Variants in SNX6 observed in about 807,000 individuals in gnomAD.
SNX6 encodes sorting nexin 6, also known as sorting nexin-6.
SNX6 carries 34 observed loss-of-function variants against 63.0 expected under a neutral mutation model. The ratio of observed to expected loss-of-function variants is 0.54; its 90% CI spans 0.41 to 0.72. The LOEUF (loss-of-function observed/expected upper bound fraction) is 0.72, where lower values mean the gene tolerates loss of function less well. Among genes scored for constraint, SNX6 ranks in the 30% least tolerant of loss-of-function variants. SNX6 has a pLI of 0.00. For synonymous variants in SNX6, 170 were observed against 164.2 expected (o/e 1.04, Z -0.27); for missense variants, 398 against 471.4 (o/e 0.84, Z 1.44).
At chr14:34,593,238 C>T (rs1319374470) in intron 7 of SNX6, 88 bp from the exon 8 acceptor site, 1 of 803,696 alleles carries the variant, frequency 1.2e-6, no homozygotes, top group African/African-American at 1.7e-5. Flanking sequence ...TATAAAAGAT[C>T]ATCAGTAAAA....
At chr14:34,570,773 G>C (rs144924774) in intron 11 of SNX6, among the ~76,000 whole-genome samples, 3,432 of 146,950 alleles carry the variant, frequency 0.023, 55 homozygotes, top group Middle Eastern at 0.06. Context: ...GCCCAGGCTG[G>C]AGTGCAGTGG....
At chr14:34,577,867 A>C (rs915390825) in intron 10 of SNX6, among the ~76,000 whole-genome samples, 1 of 152,190 alleles carries the variant, frequency 6.6e-6, no homozygotes, top group Non-Finnish European at 1.5e-5. Flanking sequence ...ACACAGAATG[A>C]AGACAGACTT....
chr14:34,581,549 T>C lies in SNX6; in HGVS notation c.834+12A>G, dbSNP rs1264777094. 1 of 1,405,048 alleles carries C rather than the reference T, an allele frequency of 7.1e-7. No homozygotes were observed. Among genetic ancestry groups the C allele is most frequent in the South Asian group, 1.2e-5 (1 of 83,190 alleles). The allele number at this position is 1,405,048 out of a possible 1,614,324, so 87.0% of individuals were successfully genotyped here. A position where few individuals can be genotyped will look rare whatever the true frequency, so the allele number is the denominator to read the frequency against. ...AATATTATGCAGTATATCTCTATAA[T>C]TTAGTACTTACTCTTGTTTTATCGA... On this transcript the variant is annotated intron_variant, in intron 10 of 13. Transcript: ENST00000362031.
At chr14:34,604,916 A>T (rs1195261672) in intron 5 of SNX6, among the ~76,000 whole-genome samples, 2 of 152,124 alleles carry the variant, frequency 1.3e-5, no homozygotes, top group Admixed American at 1.3e-4. Context: ...AGTGATACTC[A>T]ACCTGTACAT....
intron 8 of SNX6, among the ~76,000 whole-genome samples, chr14:34,588,229 G>A (rs1351262163): frequency 1.3e-5 from 2 of 151,976 alleles, no homozygotes; most frequent in East Asian, 1.9e-4. Context: ...GGATGGTATC[G>A]ATCTCTTGAC....
chr14:34,603,551 C>T, intron 5 of SNX6, 80 bp from the exon 6 acceptor site: 1 of 1,226,112 alleles, frequency 8.2e-7, no homozygotes, highest in Middle Eastern at 2.0e-4. Context: ...TCAGAAAATA[C>T]TCTTTGGATT....
rs550666263 is a variant in SNX6, at chr14:34,603,872, C to G, written c.393-401G>C. On this transcript the variant is annotated intron_variant, in intron 5 of 13. Coordinates refer to ENST00000362031, the MANE Select transcript of SNX6 (RefSeq NM_152233.4). The stretch of plus-strand genomic sequence containing the variant: ...AACTTAGTACAAAAAAAATTAAAAC[C>G]CAAACCTCGGTGAGCATATTTTCAA... Among the ~76,000 whole-genome samples the G allele has an allele frequency of 3.3e-5, 5 of 151,948 alleles. No individual in the cohort carries two copies. The East Asian group carries it at 9.6e-4, about 29-fold the overall frequency.
In SNX6 at chr14:34,602,387, G is replaced by A. The variant is rs1393949456; in HGVS notation, c.516+961C>T. Among the ~76,000 whole-genome samples the A allele has an allele frequency of 3.3e-5, 5 of 150,650 alleles. No individual in the cohort carries two copies. In the East Asian group the frequency reaches 7.8e-4, roughly 24 times the overall value. The stretch of plus-strand genomic sequence containing the variant: ...GTTGTGGGTGAGCTGAGATCGCACC[G>A]TTGCACTCCAGCTTGGGAAACAAGA... On this transcript the variant is annotated intron_variant, in intron 6 of 13. Transcript: ENST00000362031.
chr14:34,586,409 A>C (rs1882159884), intron 8 of SNX6, 104 bp from the exon 9 acceptor site: 1 of 634,214 alleles, frequency 1.6e-6, no homozygotes, highest in African/African-American at 1.9e-5. Flanking sequence ...CACTCTAGTA[A>C]AGAAAATAAC....
Position 34,562,325 on chromosome 14 carries a change from T to C in SNX6, c.*797A>G, listed in dbSNP as rs1880964511. 1 of 152,278 alleles carries C rather than the reference T, an allele frequency of 6.6e-6. No homozygotes were observed. Among genetic ancestry groups the C allele is most frequent in the Non-Finnish European group, 1.5e-5 (1 of 68,044 alleles). 9.4% of individuals were successfully genotyped at this position (152,278 alleles called of 1,614,324 possible). A position where few individuals can be genotyped will look rare whatever the true frequency, so the allele number is the denominator to read the frequency against. On this transcript the variant is annotated 3_prime_UTR_variant, in exon 14 of 14. Coordinates refer to ENST00000362031, the MANE Select transcript of SNX6 (RefSeq NM_152233.4). ...CACACAGAGGAGCAGTTCATTCTTT[T>C]GTAAAGGGATTGGTGGACTTTGTTC...
chr14:34,594,212 C>G (rs1181036073), intron 7 of SNX6, among the ~76,000 whole-genome samples: 1 of 152,092 alleles, frequency 6.6e-6, no homozygotes, highest in African/African-American at 2.4e-5. Flanking sequence ...TTCCTGAAGG[C>G]TGCCTAGCCT....
In SNX6 at chr14:34,568,579, C is replaced by A. The variant is rs985330514; in HGVS notation, c.922-566G>T. On this transcript the variant is annotated intron_variant, in intron 11 of 13. Transcript: ENST00000362031. ...TCAAACTCCTGGCCTCAAAGTGATC[C>A]CCCTATTTCAGCCTGCTAAAGTGGA... 3.9e-5 allele frequency: 23 copies of A among 588,368 alleles called. No homozygotes were observed. The Middle Eastern group carries it at 1.4e-3, about 37-fold the overall frequency. 36.4% of individuals were successfully genotyped at this position (588,368 alleles called of 1,614,324 possible). A position where few individuals can be genotyped will look rare whatever the true frequency, so the allele number is the denominator to read the frequency against.
intron 4 of SNX6, 151 bp from the exon 5 acceptor site, chr14:34,605,868 G>C: frequency 2.0e-6 from 2 of 984,066 alleles, no homozygotes; most frequent in Non-Finnish European, 2.8e-6. Context: ...TGGAGAACTT[G>C]ACTAGTTGTA....
At chr14:34,586,153 C>T (rs759136336) in intron 9 of SNX6, 77 bp downstream of exon 9, 129 of 793,536 alleles carry the variant, frequency 1.6e-4, no homozygotes, top group African/African-American at 1.9e-4. Flanking sequence ...CACCCACCTT[C>T]GCCTCCCAAA....
In SNX6 at chr14:34,586,250, C is replaced by T; in HGVS notation, c.774G>A (p.Gln258=). 6 of 1,604,700 alleles carry T rather than the reference C, an allele frequency of 3.7e-6. No individual in the cohort carries two copies. Among genetic ancestry groups the T allele is most frequent in the Non-Finnish European group, 5.1e-6 (6 of 1,172,496 alleles). ...CTTACTTGCATATATCTGTAGAATC[C>T]TGAGTTCCTAAAGCATATAATGAAG... ...IGSSLYALGT[Q]DSTDICKFFL... The change falls in exon 9 of 14, where the codon CAG becomes CAA. Residue 258 remains glutamine, a synonymous_variant. Transcript: ENST00000362031.
rs1414374912 is a variant in SNX6, at chr14:34,586,273, A to T, written c.751T>A (p.Ser251Thr). ...TCCTGAGTTCCTAAAGCATATAATG[A>T]AGAACCAATTCTATTGTAATCATCT... ...AADDYNRIGSSLYALGTQDST... is the reference protein window; with the variant it reads ...AADDYNRIGSTLYALGTQDST... The change falls in exon 9 of 14, where the codon TCA (serine) becomes ACA (threonine). Residue 251 changes from serine to threonine, a missense_variant. Coordinates refer to ENST00000362031, the MANE Select transcript of SNX6 (RefSeq NM_152233.4). 6.2e-7 allele frequency: 1 copy of T among 1,608,754 alleles called. No homozygotes were observed. The highest frequency in any genetic ancestry group is 8.5e-7 in the Non-Finnish European group (1 of 1,175,448).
intron 3 of SNX6, among the ~76,000 whole-genome samples, 199 bp downstream of exon 3, chr14:34,609,439 C>T (rs1484338799): frequency 2.2e-5 from 3 of 137,194 alleles, no homozygotes; most frequent in Non-Finnish European, 4.6e-5. Context: ...CGAGATCGTG[C>T]CACTGCACTC....
intron 7 of SNX6, among the ~76,000 whole-genome samples, chr14:34,595,335 C>T (rs1254265110): frequency 1.3e-5 from 2 of 152,002 alleles, no homozygotes; most frequent in East Asian, 1.9e-4. Context: ...CAGGGTTTCT[C>T]CATGTTGGTC....
intron 5 of SNX6, among the ~76,000 whole-genome samples, chr14:34,605,024 T>C (rs1400762560): frequency 6.6e-6 from 1 of 152,190 alleles, no homozygotes; most frequent in Non-Finnish European, 1.5e-5. Flanking sequence ...CTGTTTTTCA[T>C]TAAATGACTA....
Sources: gnomAD v4.1 joint callset for allele counts (sites outside exome capture counted in the v4.1 genomes callset) on GRCh38, gnomAD v4.1.1 for gene constraint, MANE v1.5 for transcripts, NCBI Gene and HGNC (gene_info 2026-07-23, HGNC 2026-07-21) for gene names.